Variants in MIER2 observed in about 807,000 individuals in gnomAD.
MIER2 encodes the protein mesoderm induction early response protein 2.
Under a neutral mutation model 67.6 loss-of-function variants are expected in MIER2, and 30 were observed. The ratio of observed to expected loss-of-function variants is 0.44; its 90% CI spans 0.33 to 0.60. The LOEUF is 0.60. MIER2 is among the 20% of genes least tolerant of loss of function. The pLI, the probability that MIER2 is intolerant of heterozygous loss-of-function variation, is 0.02. For synonymous variants in MIER2, 372 were observed against 312.6 expected, an observed-to-expected ratio of 1.19 and a Z score of -2.00; for missense variants, 702 against 745.1, an observed-to-expected ratio of 0.94 and a Z score of 0.67.
At chr19:331,132 C>T (rs1213402118) in intron 3 of MIER2, among the ~76,000 whole-genome samples, 6 of 151,826 alleles carry the variant, frequency 4.0e-5, no homozygotes, top group Admixed American at 3.9e-4. Context: ...GCTGAGATGG[C>T]AGGATCAACT....
At chr19:325,822 C>T in intron 6 of MIER2, 118 bp from the exon 7 acceptor site, 1 of 1,107,714 alleles carries the variant, frequency 9.0e-7, no homozygotes, top group Non-Finnish European at 1.4e-6. Flanking sequence ...ACCCCAGACC[C>T]ATCTGTGCCG....
In MIER2 at chr19:327,245, C is replaced by T. The variant is rs767576410; in HGVS notation, c.381G>A (p.Ala127=). The T allele has an allele frequency of 8.3e-6, 13 of 1,574,382 alleles. No homozygotes were observed. Among genetic ancestry groups the T allele is most frequent in the Middle Eastern group, 1.7e-4 (1 of 5,894 alleles). The change falls in exon 5 of 14, where the codon GCG becomes GCA. Residue 127 remains alanine, a synonymous_variant. Coordinates refer to ENST00000264819, the MANE Select transcript of MIER2 (RefSeq NM_017550.3). ...PDMTLDKEQI[A]KDLLSGEEEE... is the part of the protein sequence containing the mutation. The stretch of plus-strand genomic sequence containing the variant: ...CTTCTTCCCCTGAAAGCAAATCCTT[C>T]GCTATTTGTTCCTTTAAAAAAAAAA...
At chr19:338,170 CAAAAAAAAAA>C (rs34351754) in intron 1 of MIER2, among the ~76,000 whole-genome samples, 3 of 76,858 alleles carry the variant, frequency 3.9e-5, no homozygotes, top group African/African-American at 8.4e-5. Flanking sequence ...GACTCCATCT[CAAAAAAAAAA>C]AAAAAAAAAA....
At chr19:326,976 C>T in intron 5 of MIER2, 157 bp downstream of exon 5, 1 of 1,072,458 alleles carries the variant, frequency 9.3e-7, no homozygotes, top group Non-Finnish European at 1.3e-6. Context: ...TGGAGGAGAA[C>T]AAAGCACCCC....
chr19:307,737 T>C (rs932877850), intron 12 of MIER2, among the ~76,000 whole-genome samples: 1 of 152,158 alleles, frequency 6.6e-6, no homozygotes, highest in African/African-American at 2.4e-5. Flanking sequence ...AGATTTTAGT[T>C]CATCAGACCA....
Position 311,862 on chromosome 19 carries a change from G to A in MIER2, c.967C>T (p.Leu323=). Residue 323 remains leucine (L), a synonymous_variant, in exon 10 of 14, where the codon CTG becomes TTG. Coordinates refer to ENST00000264819, the MANE Select transcript of MIER2 (RefSeq NM_017550.3). ...GFRVHGKNFH[L]IQANKVRTRS... is the part of the protein sequence containing the mutation. ...GTCCGCACCTTGTTGGCCTGGATCA[G>A]GTGAAAGTTCTTTCCATGCACACGG... The A allele has an allele frequency of 6.2e-7, 1 of 1,614,070 alleles. No individual in the cohort carries two copies. Among genetic ancestry groups the A allele is most frequent in the South Asian group, 1.1e-5 (1 of 91,088 alleles).
chr19:330,420 G>T (rs939946815), intron 3 of MIER2: 1 of 151,918 alleles, frequency 6.6e-6, no homozygotes, highest in Admixed American at 6.6e-5. Context: ...AAGGTGGCAG[G>T]TGCCTGTAGT....
At chr19:343,563 C>T (rs985891356) in intron 1 of MIER2, among the ~76,000 whole-genome samples, 2 of 152,180 alleles carry the variant, frequency 1.3e-5, no homozygotes, top group African/African-American at 4.8e-5. Context: ...GAGAGAATGG[C>T]CAGTCCTGCC....
At chr19:327,705 C>T (rs1971824089) in intron 4 of MIER2, among the ~76,000 whole-genome samples, 159 bp downstream of exon 4, 1 of 152,222 alleles carries the variant, frequency 6.6e-6, no homozygotes, top group South Asian at 2.1e-4. Context: ...GCCCCATGCC[C>T]ATGGCCATTC....
At chr19:343,732 G>T in intron 1 of MIER2, 3 of 636,812 alleles carry the variant, frequency 4.7e-6, no homozygotes, top group Non-Finnish European at 5.9e-6. Context: ...CTGCCCGCCT[G>T]TCGTAACTTC....
Position 308,767 on chromosome 19 carries a change from G to C in MIER2, c.1109+34C>G. The C allele has an allele frequency of 1.3e-6, 2 of 1,594,126 alleles. No individual in the cohort carries two copies. The highest frequency in any genetic ancestry group is 1.7e-6 in the Non-Finnish European group (2 of 1,165,540). Reference sequence around the variant, plus strand: ...CGTGCCCACCCCCGGCGGGGTGGCCGCCTGTCGTTACTGCTGGGGAGGGCT... The same window carrying C: ...CGTGCCCACCCCCGGCGGGGTGGCCCCCTGTCGTTACTGCTGGGGAGGGCT... On this transcript the variant is annotated intron_variant, in intron 11 of 13. Coordinates refer to ENST00000264819, the MANE Select transcript of MIER2 (RefSeq NM_017550.3). This position sits in a 1 kb window ranked among gnomAD's most constrained non-coding sequence, Gnocchi z 9.1.
At chr19:334,349 A>AC in intron 3 of MIER2, 51 bp downstream of exon 3, 1 of 1,608,908 alleles carries the variant, frequency 6.2e-7, no homozygotes, top group South Asian at 1.1e-5. Flanking sequence ...CATGAGGCTT[A>AC]CCCCGGAGGG....
intron 10 of MIER2, among the ~76,000 whole-genome samples, chr19:311,211 C>T (rs1024837858): frequency 3.3e-5 from 5 of 152,226 alleles, no homozygotes; most frequent in South Asian, 2.1e-4. Context: ...TGGACAGAGG[C>T]GGAGAAGCCA....
chr19:328,292 G>A (rs1012538210), intron 3 of MIER2, among the ~76,000 whole-genome samples: 5 of 152,202 alleles, frequency 3.3e-5, no homozygotes, highest in African/African-American at 1.2e-4. Context: ...GTGTGACACA[G>A]GGTGAATTAC....
chr19:309,538 C>T (rs1156469469), intron 10 of MIER2, among the ~76,000 whole-genome samples: 1 of 152,020 alleles, frequency 6.6e-6, no homozygotes, highest in Non-Finnish European at 1.5e-5. Flanking sequence ...AAGGGCCAAA[C>T]ACACATGCAC....
intron 1 of MIER2, among the ~76,000 whole-genome samples, chr19:337,142 C>T (rs573095685): frequency 2.0e-5 from 3 of 152,178 alleles, no homozygotes; most frequent in Admixed American, 6.5e-5. Context: ...CCGCAAGCCA[C>T]GATATCTCTC....
At position 308,957 on chromosome 19, in the gene MIER2, C is replaced by G; in HGVS notation, c.985-32G>C. ...GGAGGGGTCAGGAGCCATCTCTGTC[C>G]CCGGCTGCCCAGCCCCAGCACCTGC... On this transcript the variant is annotated intron_variant, in intron 10 of 13. Transcript: ENST00000264819. The surrounding 1 kb of genome is among the most constrained non-coding windows in gnomAD (Gnocchi z 9.1). 1 of 1,583,176 alleles carries G rather than the reference C, an allele frequency of 6.3e-7. No homozygotes were observed. Among genetic ancestry groups the G allele is most frequent in the Non-Finnish European group, 8.6e-7 (1 of 1,158,056 alleles).
intron 8 of MIER2, 140 bp downstream of exon 8, chr19:313,352 G>C: frequency 7.3e-7 from 1 of 1,363,984 alleles, no homozygotes; most frequent in Non-Finnish European, 9.9e-7. Flanking sequence ...CTGAGTAGCT[G>C]TTCCAGTGCC....
intron 7 of MIER2, among the ~76,000 whole-genome samples, chr19:319,076 T>C (rs560004062): frequency 7.5e-4 from 102 of 136,608 alleles, no homozygotes; most frequent in Non-Finnish European, 1.3e-3. Flanking sequence ...AAAAAATCAG[T>C]AAAAAGGCTG....
Sources: gnomAD v4.1 joint callset for allele counts (sites outside exome capture counted in the v4.1 genomes callset) on GRCh38, gnomAD v4.1.1 for gene constraint, Gnocchi (gnomAD v3.1) non-coding constraint, MANE v1.5 for transcripts, NCBI Gene and HGNC (gene_info 2026-07-23, HGNC 2026-07-21) for gene names.